SCUBE1: variants seen among roughly 807,000 people sequenced by gnomAD.
SCUBE1 encodes the protein signal peptide, CUB and EGF-like domain-containing protein 1.
Under a neutral mutation model 124.4 loss-of-function variants are expected in SCUBE1, and 59 were observed. The ratio of observed to expected loss-of-function variants is 0.47; its 90% confidence interval spans 0.38 to 0.59. The LOEUF is 0.59. Among genes scored for constraint, SCUBE1 ranks in the 20% least tolerant of loss-of-function variants. SCUBE1 has a pLI of 0.00. For synonymous variants in SCUBE1, 545 were observed against 550.9 expected (o/e 0.99, Z 0.15); for missense variants, 1,150 against 1,371.2 (o/e 0.84, Z 2.55).
chr22:43,256,814 C>A (rs988115835), intron 6 of SCUBE1, among the ~76,000 whole-genome samples: 4 of 152,106 alleles, frequency 2.6e-5, no homozygotes, highest in African/African-American at 9.7e-5. Context: ...AGCCCCAGGC[C>A]GGACAGTGGA....
chr22:43,316,334 G>A (rs113969755), intron 3 of SCUBE1, among the ~76,000 whole-genome samples: 2 of 152,216 alleles, frequency 1.3e-5, no homozygotes, highest in Non-Finnish European at 2.9e-5. Context: ...CCTCTTGGCC[G>A]CTGGGTGATA....
At chr22:43,340,641 C>T (rs1388932320) in intron 1 of SCUBE1, among the ~76,000 whole-genome samples, 1 of 151,706 alleles carries the variant, frequency 6.6e-6, no homozygotes, top group Non-Finnish European at 1.5e-5. Flanking sequence ...GGAAATGAGG[C>T]CCAGTGAGGT....
chr22:43,249,866 G>A (rs180710225), intron 6 of SCUBE1, among the ~76,000 whole-genome samples: 7 of 152,270 alleles, frequency 4.6e-5, no homozygotes, highest in Admixed American at 3.3e-4. Context: ...GCAGAAGGGC[G>A]GGGAAAAGCC....
chr22:43,333,438 C>T (rs1362367580), intron 2 of SCUBE1, among the ~76,000 whole-genome samples: 1 of 152,110 alleles, frequency 6.6e-6, no homozygotes, highest in Non-Finnish European at 1.5e-5. Context: ...GACAAGTTGC[C>T]CTTGAAGGTG....
At chr22:43,305,894 G>C (rs1258901112) in intron 3 of SCUBE1, among the ~76,000 whole-genome samples, 2 of 152,230 alleles carry the variant, frequency 1.3e-5, no homozygotes, top group African/African-American at 4.8e-5. Context: ...AATAAAGAGT[G>C]CCAGCCAGGC....
rs145285857 is a variant in SCUBE1 at position 43,202,360 on chromosome 22, T to A, written c.*1637A>T. 3 of 152,332 alleles carry A rather than the reference T, an allele frequency of 2.0e-5. No individual in the cohort carries two copies. The highest frequency in any genetic ancestry group is 7.2e-5 in the African/African-American group (3 of 41,576). The allele number at this position is 152,332 out of a possible 1,614,324, so 9.4% of individuals were successfully genotyped here. On this transcript the variant is annotated 3_prime_UTR_variant, in exon 22 of 22. Transcript: ENST00000360835. ...ACCAGGAGGAACCCTAGAGGCAACT[T>A]CGAGCTGAAGACTGGAGTTCATTTT...
intron 4 of SCUBE1, among the ~76,000 whole-genome samples, chr22:43,288,628 C>T (rs765031987): frequency 3.9e-5 from 6 of 152,270 alleles, no homozygotes; most frequent in Non-Finnish European, 5.9e-5. Context: ...CTGGCTTTCT[C>T]ATCAGCTCCA....
intron 4 of SCUBE1, among the ~76,000 whole-genome samples, chr22:43,273,641 C>T (rs1213764040): frequency 1.5e-5 from 2 of 129,104 alleles, no homozygotes; most frequent in African/African-American, 2.8e-5. Flanking sequence ...AATCAAATCA[C>T]AGCTCACTGC....
At chr22:43,245,487 G>T (rs1023118311) in intron 6 of SCUBE1, among the ~76,000 whole-genome samples, 2 of 152,158 alleles carry the variant, frequency 1.3e-5, no homozygotes, top group Admixed American at 1.3e-4. Context: ...TGGACGCAGG[G>T]TGACTGTGGA....
rs183317566 is a variant in SCUBE1 at position 43,252,089 on chromosome 22, T to C, written c.727+6130A>G. On this transcript the variant is annotated intron_variant, in intron 6 of 21. Coordinates refer to ENST00000360835, the MANE Select transcript of SCUBE1 (RefSeq NM_173050.5). ...TGGGAGTCTACAATTGGTTACATGT[T>C]CTGGGGCCTCTTTAAAGTAAACATA... Among the ~76,000 whole-genome samples, 9 of 152,352 alleles carry C rather than the reference T, an allele frequency of 5.9e-5. No homozygotes were observed. In the East Asian group the frequency reaches 1.7e-3, roughly 29 times the overall value.
chr22:43,208,261 A>T (rs369240966), intron 19 of SCUBE1, 37 bp from the exon 20 acceptor site: 1 of 1,606,350 alleles, frequency 6.2e-7, no homozygotes, highest in Non-Finnish European at 8.5e-7. Flanking sequence ...TGCCACAGGT[A>T]GGCAGCTCCT....
chr22:43,342,546 C>T (rs1438318825), intron 1 of SCUBE1, among the ~76,000 whole-genome samples: 1 of 151,732 alleles, frequency 6.6e-6, no homozygotes, highest in Non-Finnish European at 1.5e-5. Flanking sequence ...ATCTGTCCCC[C>T]GTCTCCTCCT....
Position 43,198,522 on chromosome 22 carries a change from C to G in SCUBE1, c.*5475G>C, listed in dbSNP as rs751815634. ...GGTGCTGTGGGGGCAGAGGCAGCCG[C>G]GGTAGAATAGGAGGCGCTCTCTGCT... On this transcript the variant is annotated 3_prime_UTR_variant, in exon 22 of 22. Transcript: ENST00000360835. The G allele has an allele frequency of 1.5e-5, 7 of 456,348 alleles. No individual in the cohort carries two copies. Among genetic ancestry groups the G allele is most frequent in the Non-Finnish European group, 2.2e-5 (5 of 226,822 alleles). 28.3% of individuals were successfully genotyped at this position (456,348 alleles called of 1,614,324 possible).
At chr22:43,279,934 T>C (rs181443942) in intron 4 of SCUBE1, among the ~76,000 whole-genome samples, 1 of 152,276 alleles carries the variant, frequency 6.6e-6, no homozygotes, top group East Asian at 1.9e-4. Flanking sequence ...GATCTGAAAC[T>C]CCACAAGTGT....
chr22:43,255,429 C>A lies in SCUBE1; in HGVS notation c.727+2790G>T. On this transcript the variant is annotated intron_variant, in intron 6 of 21. Transcript: ENST00000360835. This position sits in a 1 kb window ranked among gnomAD's most constrained non-coding sequence, Gnocchi z 4.7. ...CATGCCAGTGCGCACCCGAGACACA[C>A]ATGTGCACACACACACACAAGTGCA... 7.0e-7 allele frequency: 1 copy of A among 1,422,222 alleles called. No homozygotes were observed. The highest frequency in any genetic ancestry group is 1.2e-5 in the South Asian group (1 of 81,484). 88.1% of individuals were successfully genotyped at this position (1,422,222 alleles called of 1,614,324 possible).
In SCUBE1 at chr22:43,262,798, G is replaced by A. The variant is rs145744462; in HGVS notation, c.532C>T (p.Arg178Trp). The change falls in exon 5 of 22, where the codon CGG (arginine) becomes TGG (tryptophan). Residue 178 changes from arginine (R) to tryptophan (W), a missense_variant. Arg to Trp is a moderately radical substitution (Grantham distance 101). Around this residue, in one of 3 missense-constraint regions of SCUBE1, gnomAD observed 337 missense variants for 482.1 expected, o/e 0.70. Coordinates refer to ENST00000360835, the MANE Select transcript of SCUBE1 (RefSeq NM_173050.5). ...GCCACCCCACCTTTGGGCGTCTCCC[G>A]GCAGATGTGGGCACAGCCATGGTCT... ...NKDHGCAHIC[R>W]ETPKGGVACD... 1.2e-5 allele frequency: 20 copies of A among 1,614,162 alleles called. No homozygotes were observed. The highest frequency in any genetic ancestry group is 1.7e-4 in the Middle Eastern group (1 of 6,038).
At chr22:43,230,660 T>C (rs1160924766) in intron 8 of SCUBE1, among the ~76,000 whole-genome samples, 1 of 152,200 alleles carries the variant, frequency 6.6e-6, no homozygotes, top group African/African-American at 2.4e-5. Flanking sequence ...TGCTCCTGTC[T>C]AGACCTCAGG....
At chr22:43,257,689 T>G (rs1177996164) in intron 6 of SCUBE1, among the ~76,000 whole-genome samples, 1 of 152,134 alleles carries the variant, frequency 6.6e-6, no homozygotes, top group Non-Finnish European at 1.5e-5. Context: ...ACACTGTCCA[T>G]CTCCCCTGGA....
intron 4 of SCUBE1, 139 bp from the exon 5 acceptor site, chr22:43,262,984 C>T: frequency 1.2e-6 from 1 of 853,888 alleles, no homozygotes; most frequent in Middle Eastern, 2.5e-4. Context: ...CACACACGCA[C>T]TTGCGCACAC....
Sources: allele counts gnomAD v4.1 joint callset (sites outside exome capture counted in the v4.1 genomes callset), GRCh38; gene constraint gnomAD v4.1.1; regional missense constraint gnomAD v4.1.1; non-coding constraint Gnocchi (gnomAD v3.1); transcripts MANE v1.5; gene names NCBI Gene and HGNC (gene_info 2026-07-23, HGNC 2026-07-21).